The following DAB1 variants were observed in gnomAD, a reference collection of about 807,000 sequenced individuals.
DAB1 encodes the protein disabled homolog 1.
A neutral mutation model predicts 64.6 loss-of-function variants in DAB1; 15 were observed. The observed-to-expected ratio is 0.23, with a 90% CI of 0.16 to 0.36. The LOEUF (loss-of-function observed/expected upper bound fraction) is 0.36, where lower values mean the gene tolerates loss of function less well. DAB1 is among the 10% of genes least tolerant of loss of function. The pLI is 1.00. For missense variants in DAB1, 596 were observed against 706.7 expected, an observed-to-expected ratio of 0.84 and a Z score of 1.78; for synonymous variants, 235 against 251.9, an observed-to-expected ratio of 0.93 and a Z score of 0.64.
chr1:58,294,859 C>T (rs1470871828), intron 4 of DAB1, among the ~76,000 whole-genome samples: 1 of 77,986 alleles, frequency 1.3e-5, no homozygotes, highest in Non-Finnish European at 3.0e-5. Flanking sequence ...CATGCTTGGT[C>T]CAGAACGTGT....
intron 6 of DAB1, among the ~76,000 whole-genome samples, chr1:57,704,650 G>A (rs1646944392): frequency 6.6e-6 from 1 of 152,104 alleles, no homozygotes; most frequent in African/African-American, 2.4e-5. Context: ...TTATAAGGAT[G>A]CATTTGGTAG....
rs546321710 is a variant in DAB1, at chr1:57,581,645, C to G, written n.625+67947G>C. ...GTGAAATACACGAAATATTTATACA[C>G]AACTATAATAATATGGTCCTATATA... On this transcript the variant is annotated intron_variant and non_coding_transcript_variant, in intron 7 of 20. Transcript: ENST00000485760. Among the ~76,000 whole-genome samples the G allele has an allele frequency of 6.0e-5, 9 of 150,388 alleles. No homozygotes were observed. The South Asian group carries it at 1.5e-3, about 24-fold the overall frequency.
intron 3 of DAB1, among the ~76,000 whole-genome samples, chr1:58,450,231 C>G (rs538940141): frequency 1.3e-5 from 2 of 152,282 alleles, no homozygotes; most frequent in East Asian, 3.9e-4. Context: ...CAAGTAAGAG[C>G]AAACTGTTGG....
chr1:57,512,651 C>A (rs1481565601), intron 7 of DAB1, among the ~76,000 whole-genome samples: 8 of 152,226 alleles, frequency 5.3e-5, no homozygotes, highest in African/African-American at 1.9e-4. Flanking sequence ...AAACAAAAGG[C>A]CTACATCTTG....
At chr1:57,252,082 C>A (rs1669384917) in intron 2 of DAB1, among the ~76,000 whole-genome samples, 1 of 152,188 alleles carries the variant, frequency 6.6e-6, no homozygotes, top group African/African-American at 2.4e-5. Context: ...TCGAAGACTT[C>A]AAAGAAGAGT....
At chr1:57,626,194 C>A (rs1645920962) in intron 7 of DAB1, among the ~76,000 whole-genome samples, 1 of 151,938 alleles carries the variant, frequency 6.6e-6, no homozygotes, top group African/African-American at 2.4e-5. Context: ...TATGCAGTGT[C>A]AAGGAGGCTG....
chr1:58,541,820 T>A (rs1431029533), intron 1 of DAB1, among the ~76,000 whole-genome samples: 4 of 152,138 alleles, frequency 2.6e-5, no homozygotes, highest in Non-Finnish European at 5.9e-5. Context: ...TTTCAAATTG[T>A]ACAGCAAAGG....
intron 2 of DAB1, among the ~76,000 whole-genome samples, chr1:57,177,691 T>G (rs1273578672): frequency 1.3e-5 from 2 of 152,188 alleles, no homozygotes; most frequent in African/African-American, 2.4e-5. Context: ...AAGTGGAGGA[T>G]TATCATCATT....
At chr1:57,452,600 T>C (rs1686428317) in intron 7 of DAB1, among the ~76,000 whole-genome samples, 2 of 152,022 alleles carry the variant, frequency 1.3e-5, no homozygotes, top group Admixed American at 6.6e-5. Flanking sequence ...GTGCTGGTGA[T>C]GGTGGTGGGG....
chr1:58,074,063 T>C (rs1649442565), intron 5 of DAB1, among the ~76,000 whole-genome samples: 1 of 152,160 alleles, frequency 6.6e-6, no homozygotes, highest in Non-Finnish European at 1.5e-5. Flanking sequence ...CTTCTGGACT[T>C]CTCAAATACA....
At chr1:57,239,593 C>T (rs182068716) in intron 2 of DAB1, among the ~76,000 whole-genome samples, 11 of 152,272 alleles carry the variant, frequency 7.2e-5, no homozygotes, top group Non-Finnish European at 1.2e-4. Flanking sequence ...AGCAAGAGGC[C>T]TCTCCATCTG....
intron 5 of DAB1, among the ~76,000 whole-genome samples, chr1:57,939,929 T>A (rs750858102): frequency 1.2e-4 from 19 of 152,210 alleles, no homozygotes; most frequent in African/African-American, 4.3e-4. Context: ...AAATGTTGAA[T>A]GAACAACCAG....
intron 4 of DAB1, among the ~76,000 whole-genome samples, chr1:58,245,950 C>T (rs1446383771): frequency 6.6e-6 from 1 of 152,004 alleles, no homozygotes; most frequent in Non-Finnish European, 1.5e-5. Flanking sequence ...TGCAAGTTTC[C>T]TGCATATAAT....
intron 2 of DAB1, among the ~76,000 whole-genome samples, chr1:57,288,223 C>T (rs915975620): frequency 7.2e-5 from 11 of 152,102 alleles, no homozygotes; most frequent in African/African-American, 2.7e-4. Context: ...TAGCTATATA[C>T]TTTTCAAGAG....
chr1:57,814,328 G>A (rs1303431590), intron 6 of DAB1, among the ~76,000 whole-genome samples: 1 of 152,164 alleles, frequency 6.6e-6, no homozygotes, highest in Non-Finnish European at 1.5e-5. Context: ...TTACAATTAT[G>A]GCCCTGGCCT....
At chr1:57,004,077 C>G (rs1466543415) in intron 14 of DAB1, among the ~76,000 whole-genome samples, 3 of 152,176 alleles carry the variant, frequency 2.0e-5, no homozygotes, top group Non-Finnish European at 4.4e-5. Flanking sequence ...GGCCCTCACA[C>G]CTACAGCTCC....
At chr1:58,082,387 C>G (rs552481008) in intron 5 of DAB1, among the ~76,000 whole-genome samples, 4 of 150,612 alleles carry the variant, frequency 2.7e-5, no homozygotes, top group South Asian at 2.1e-4. Context: ...TATTACAGAG[C>G]ATTGGAGAAA....
At chr1:58,387,667 T>C (rs1469899512) in intron 3 of DAB1, among the ~76,000 whole-genome samples, 2 of 152,102 alleles carry the variant, frequency 1.3e-5, no homozygotes, top group Non-Finnish European at 2.9e-5. Flanking sequence ...GGAGTTAATC[T>C]TTCCTGGTTA....
intron 6 of DAB1, among the ~76,000 whole-genome samples, chr1:57,761,692 T>C (rs1356212618): frequency 6.6e-6 from 1 of 152,222 alleles, no homozygotes; most frequent in East Asian, 1.9e-4. Flanking sequence ...GATTGACATG[T>C]TCATCTCTAC....
Sources: gnomAD v4.1 joint callset for allele counts (sites outside exome capture counted in the v4.1 genomes callset) on GRCh38, gnomAD v4.1.1 for gene constraint, MANE v1.5 for transcripts, NCBI Gene and HGNC (gene_info 2026-07-23, HGNC 2026-07-21) for gene names.